Variants in TMEM71 observed in about 807,000 individuals in gnomAD.
TMEM71 encodes transmembrane protein 71.
A neutral mutation model predicts 38.0 loss-of-function variants in TMEM71; 44 were observed. The observed-to-expected ratio is 1.16, with a 90% confidence interval of 0.91 to 1.49. The LOEUF is 1.49. Among genes scored for constraint, TMEM71 ranks in the 40% most tolerant of loss-of-function variants. The pLI, the probability that TMEM71 is intolerant of heterozygous loss-of-function variation, is 0.00. For missense variants in TMEM71, 367 were observed against 348.6 expected (o/e 1.05, Z -0.42); for synonymous variants, 133 against 122.5 (o/e 1.09, Z -0.56).
At chr8:132,708,928 T>G (rs1016046104), downstream of TMEM71, among the ~76,000 whole-genome samples, 5 of 152,112 alleles carry the variant, frequency 3.3e-5, no homozygotes, top group Admixed American at 3.3e-4. Context: ...AAGGCTCATT[T>G]TGGACTGACC....
intron 5 of TMEM71, among the ~76,000 whole-genome samples, chr8:132,741,358 C>T (rs546937270): frequency 4.8e-4 from 73 of 152,054 alleles, no homozygotes; most frequent in Middle Eastern, 3.4e-3. Flanking sequence ...TGTGTGGCGA[C>T]GAGAGAGTGT....
intron 4 of TMEM71, among the ~76,000 whole-genome samples, chr8:132,747,372 A>G (rs898896882): frequency 6.6e-6 from 1 of 152,222 alleles, no homozygotes; most frequent in African/African-American, 2.4e-5. Flanking sequence ...ACATATAGGT[A>G]ATGCTTTCCT....
the TMEM71 span, among the ~76,000 whole-genome samples, chr8:132,770,525 A>T: frequency 6.6e-6 from 1 of 152,150 alleles, no homozygotes; most frequent in Admixed American, 6.5e-5. Flanking sequence ...GACTCCTAGT[A>T]TTTGTTTTTA....
chr8:132,758,849 G>C lies in TMEM71; in HGVS notation c.31C>G (p.Pro11Ala). 6.2e-7 allele frequency: 1 copy of C among 1,613,256 alleles called. No homozygotes were observed. The highest frequency in any genetic ancestry group is 8.5e-7 in the Non-Finnish European group (1 of 1,179,278). The part of the protein sequence containing the change: MYRISQLMST[P>A]VASSSRLERE... ...GTTCTTCTACATTTACTTGCTACTG[G>C]TGTTGACATCAGTTGAGATATTCGG... Residue 11 changes from proline (P) to alanine (A), a missense_variant, in exon 2 of 10, where the codon CCA becomes GCA. Coordinates refer to ENST00000677595, the MANE Select transcript of TMEM71 (RefSeq NM_001382403.1).
chr8:132,765,693 T>C (rs1306624012), upstream of TMEM71, among the ~76,000 whole-genome samples: 1 of 152,120 alleles, frequency 6.6e-6, no homozygotes, highest in Non-Finnish European at 1.5e-5. Context: ...TCAATCTCTA[T>C]TTTACACAAT....
chr8:132,732,447 G>T (rs1827510565), intron 5 of TMEM71, among the ~76,000 whole-genome samples: 1 of 152,128 alleles, frequency 6.6e-6, no homozygotes, highest in African/African-American at 2.4e-5. Flanking sequence ...CTAGACAAGA[G>T]CATGTGCATG....
intron 2 of TMEM71, 82 bp from the exon 3 acceptor site, chr8:132,757,376 T>A (rs1314882991): frequency 9.2e-7 from 1 of 1,086,006 alleles, no homozygotes; most frequent in Non-Finnish European, 1.4e-6. Context: ...TCAATATGTA[T>A]AATTGCAAAC....
Position 132,714,995 on chromosome 8 carries a change from A to G in TMEM71, c.753-780T>C, listed in dbSNP as rs1826427377. Among the ~76,000 whole-genome samples, 9 of 152,234 alleles carry G rather than the reference A, an allele frequency of 5.9e-5. No individual in the cohort carries two copies. In the South Asian group the frequency reaches 1.9e-3, roughly 32 times the overall value. On this transcript the variant is annotated intron_variant, in intron 7 of 9. Coordinates refer to ENST00000677595, the MANE Select transcript of TMEM71 (RefSeq NM_001382403.1). Reference sequence around the variant, plus strand: ...ATCATTCCTCATTACAGTAATGCAAATTAAAACAGCGAGATATCACTGCAT... The same window carrying G: ...ATCATTCCTCATTACAGTAATGCAAGTTAAAACAGCGAGATATCACTGCAT...
chr8:132,738,922 C>T (rs774544261), intron 5 of TMEM71, among the ~76,000 whole-genome samples: 5 of 151,978 alleles, frequency 3.3e-5, no homozygotes, highest in Non-Finnish European at 5.9e-5. Flanking sequence ...TGGCATTGTG[C>T]CAACGTCCAT....
At chr8:132,744,406 C>A (rs1828218817) in intron 5 of TMEM71, among the ~76,000 whole-genome samples, 1 of 152,036 alleles carries the variant, frequency 6.6e-6, no homozygotes. Context: ...AAGCTGAGAG[C>A]CAAGTCAAGA....
At chr8:132,771,119 C>T in the TMEM71 span, among the ~76,000 whole-genome samples, 14 of 152,164 alleles carry the variant, frequency 9.2e-5, no homozygotes, top group African/African-American at 1.7e-4. Context: ...TGCAGTATCA[C>T]GAGTGGATTC....
At position 132,727,884 on chromosome 8, in the gene TMEM71, G is replaced by T; in HGVS notation, c.590C>A (p.Pro197His). ...TSSSSHIISQ[P>H]PGGNSHSLSL... ...CAAGCTATGGGAGTTTCCTCCAGGA[G>T]GCTGAGATATGATGTGGCTGGAAGA... The change falls in exon 6 of 10, where the codon CCT (proline) becomes CAT (histidine). Residue 197 changes from proline (P) to histidine (H), a missense_variant. Pro to His is a moderately conservative substitution (Grantham distance 77). Coordinates refer to ENST00000677595, the MANE Select transcript of TMEM71 (RefSeq NM_001382403.1). 1.9e-6 allele frequency: 3 copies of T among 1,614,148 alleles called. No homozygotes were observed. Among genetic ancestry groups the T allele is most frequent in the Non-Finnish European group, 2.5e-6 (3 of 1,179,998 alleles).
upstream of TMEM71, chr8:132,760,661 A>G (rs957224023): frequency 3.9e-5 from 6 of 152,248 alleles, no homozygotes; most frequent in Admixed American, 2.6e-4. Context: ...GAGGCAAAGA[A>G]GCAGAATGAG....
chr8:132,759,525 T>G (rs929182338), intron 1 of TMEM71: 1 of 152,236 alleles, frequency 6.6e-6, no homozygotes, highest in Admixed American at 6.5e-5. Flanking sequence ...CATGAAGACA[T>G]GATTTAATTT....
At position 132,730,490 on chromosome 8, in the gene TMEM71, G is replaced by A. The variant is rs972672229; in HGVS notation, c.488-2504C>T. ...TATGGGTAAGGAGAATAAATATGAT[G>A]CTTCAGAAAAAGATAATCCTGCAGT... On this transcript the variant is annotated intron_variant, in intron 5 of 9. Transcript: ENST00000677595. Among the ~76,000 whole-genome samples the A allele has an allele frequency of 1.1e-4, 16 of 152,108 alleles. 1 individual carries two copies. Among genetic ancestry groups the A allele is most frequent in the African/African-American group, 3.9e-4 (16 of 41,410 alleles).
Position 132,747,115 on chromosome 8 carries a change from C to T in TMEM71, c.315-1G>A. ...GATTCTCTTTTTCTTTCTAAATATC[C>T]TAGAGAGAAATGAAAGCATGGTGAA... On this transcript the variant is annotated splice_acceptor_variant, in intron 4 of 9. Coordinates refer to ENST00000677595, the MANE Select transcript of TMEM71 (RefSeq NM_001382403.1). LOFTEE classifies it high-confidence loss of function. 6.3e-7 allele frequency: 1 copy of T among 1,589,542 alleles called. No individual in the cohort carries two copies. The highest frequency in any genetic ancestry group is 8.5e-7 in the Non-Finnish European group (1 of 1,170,112).
At chr8:132,743,573 A>G (rs1489973813) in intron 5 of TMEM71, among the ~76,000 whole-genome samples, 1 of 152,118 alleles carries the variant, frequency 6.6e-6, no homozygotes, top group Non-Finnish European at 1.5e-5. Flanking sequence ...CTATTCACTT[A>G]TTCAATGTTT....
chr8:132,729,000 G>C (rs1320805775), intron 5 of TMEM71, among the ~76,000 whole-genome samples: 1 of 152,130 alleles, frequency 6.6e-6, no homozygotes, highest in African/African-American at 2.4e-5. Context: ...TCAAGAACAT[G>C]CACCCATTTT....
In TMEM71 at chr8:132,722,368, C is replaced by T. The variant is rs78740116; in HGVS notation, c.677-253G>A. Among the ~76,000 whole-genome samples, 4 of 152,152 alleles carry T rather than the reference C, an allele frequency of 2.6e-5. No individual in the cohort carries two copies. In the East Asian group the frequency reaches 7.7e-4, roughly 29 times the overall value. On this transcript the variant is annotated intron_variant, in intron 6 of 9. Transcript: ENST00000677595. ...AAAATAAAAGACTATGCTATTTTCA[C>T]AGTTTAGGGCTTGCCTTTTGATTTA...
Sources: gnomAD v4.1 joint callset for allele counts (sites outside exome capture counted in the v4.1 genomes callset) on GRCh38, gnomAD v4.1.1 for gene constraint, MANE v1.5 for transcripts, NCBI Gene and HGNC (gene_info 2026-07-23, HGNC 2026-07-21) for gene names.